The following SSTR3 variants were observed in gnomAD, a reference collection of about 807,000 sequenced individuals.
SSTR3 encodes somatostatin receptor type 3.
For missense variants in SSTR3, 504 were observed against 604.7 expected (o/e 0.83, Z 1.75); for synonymous variants, 281 against 269.2 (o/e 1.04, Z -0.43).
intron 1 of SSTR3, among the ~76,000 whole-genome samples, chr22:37,211,615 C>T (rs1448792152): frequency 6.6e-6 from 1 of 152,192 alleles, no homozygotes; most frequent in Non-Finnish European, 1.5e-5. Context: ...TCTGTGATTC[C>T]GAGATCCTAG....
upstream of SSTR3, among the ~76,000 whole-genome samples, chr22:37,213,587 C>T (rs1344494951): frequency 4.6e-5 from 7 of 152,380 alleles, no homozygotes; most frequent in Non-Finnish European, 5.9e-5. Context: ...TCTCTTAACG[C>T]TGCCCGTCCC....
rs561345205 is a variant in SSTR3, at chr22:37,210,371, C to T, written c.-37+1454G>A. Reference sequence around the variant, plus strand: ...TGGTCCTGGCAGGAACACGGCGTGCCTAGCCAGACCCTCCTTTGTACCAGG... The same window carrying T: ...TGGTCCTGGCAGGAACACGGCGTGCTTAGCCAGACCCTCCTTTGTACCAGG... On this transcript the variant is annotated intron_variant, in intron 1 of 1. Transcript: ENST00000610913. Among the ~76,000 whole-genome samples, 43 of 152,372 alleles carry T rather than the reference C, an allele frequency of 2.8e-4. No homozygotes were observed. The East Asian group carries it at 7.5e-3, about 27-fold the overall frequency.
At chr22:37,209,687 C>T (rs1601656121) in intron 1 of SSTR3, among the ~76,000 whole-genome samples, 1 of 152,194 alleles carries the variant, frequency 6.6e-6, no homozygotes, top group East Asian at 1.9e-4. Flanking sequence ...GGGGAGCAAA[C>T]GTGAGGTCAC....
chr22:37,216,195 C>T (rs1246470748), upstream of SSTR3, among the ~76,000 whole-genome samples: 2 of 140,190 alleles, frequency 1.4e-5, no homozygotes, highest in Non-Finnish European at 3.1e-5. Flanking sequence ...CCATCCCTCC[C>T]ACCCCCCCAT....
At chr22:37,209,566 G>A (rs1192755553) in intron 1 of SSTR3, among the ~76,000 whole-genome samples, 2 of 152,254 alleles carry the variant, frequency 1.3e-5, no homozygotes, top group East Asian at 3.8e-4. Flanking sequence ...AGTGCTGCCA[G>A]CTGCTCATCA....
At chr22:37,216,370 C>T (rs547043608), upstream of SSTR3, among the ~76,000 whole-genome samples, 6 of 152,328 alleles carry the variant, frequency 3.9e-5, no homozygotes, top group East Asian at 1.2e-3. Flanking sequence ...ACTCTCACCC[C>T]TTCTCCCCAT....
At chr22:37,211,164 G>T (rs931026638) in intron 1 of SSTR3, among the ~76,000 whole-genome samples, 1 of 152,218 alleles carries the variant, frequency 6.6e-6, no homozygotes. Flanking sequence ...GGCTGAGAAG[G>T]ATCAAAGGCC....
chr22:37,207,732 T>C lies in SSTR3; in HGVS notation c.72A>G (p.Pro24=). The part of the protein sequence containing the change: ...EPENASSAWP[P]DATLGNVSAG... ...CCGACACGTTGCCCAGGGTGGCATC[T>C]GGGGGCCAGGCCGAGGAGGCATTCT... Residue 24 remains proline (P), a synonymous_variant, in exon 2 of 2, where the codon CCA becomes CCG. Transcript: ENST00000610913. 1 of 1,529,502 alleles carries C rather than the reference T, an allele frequency of 6.5e-7. No individual in the cohort carries two copies. Among genetic ancestry groups the C allele is most frequent in the South Asian group, 1.3e-5 (1 of 77,542 alleles). 94.7% of individuals were successfully genotyped at this position (1,529,502 alleles called of 1,614,324 possible). A position where few individuals can be genotyped will look rare whatever the true frequency, so the allele number is the denominator to read the frequency against.
At position 37,206,898 on chromosome 22, in the gene SSTR3, G is replaced by C; in HGVS notation, c.906C>G (p.Pro302=). The C allele has an allele frequency of 6.2e-7, 1 of 1,613,590 alleles. No homozygotes were observed. The highest frequency in any genetic ancestry group is 8.5e-7 in the Non-Finnish European group (1 of 1,180,026). ...TGGGGTTGGCACAGCTGTTGGCATA[G>C]GGCAGCGCCACCACCAGGAAGTAGA... ...FGLYFLVVAL[P]YANSCANPIL... The change falls in exon 2 of 2, where the codon CCC becomes CCG. Residue 302 remains proline, a synonymous_variant. Transcript: ENST00000610913.
rs907657079 is a variant in SSTR3 at position 37,207,431 on chromosome 22, T to G, written c.373A>C (p.Ile125Leu). The change falls in exon 2 of 2, where the codon ATC becomes CTC. Residue 125 changes from isoleucine (I) to leucine (L), a missense_variant. Ile to Leu is a conservative substitution (Grantham distance 5). Coordinates refer to ENST00000610913, the MANE Select transcript of SSTR3 (RefSeq NM_001051.5). ...CAGAATATGCTGGTGAACTGGTTGA[T>G]GCCATCCACCGCCATGACCAGGCGG... ...MCRLVMAVDGINQFTSIFCLT... is the reference protein window; with the variant it reads ...MCRLVMAVDGLNQFTSIFCLT... The G allele has an allele frequency of 2.5e-6, 4 of 1,613,514 alleles. No individual in the cohort carries two copies. The East Asian group carries it at 8.9e-5, about 36-fold the overall frequency.
At chr22:37,216,922 T>C (rs1926473166), upstream of SSTR3, among the ~76,000 whole-genome samples, 1 of 152,176 alleles carries the variant, frequency 6.6e-6, no homozygotes, top group Admixed American at 6.5e-5. Flanking sequence ...CACCTCAGCC[T>C]CTTGAGTAGC....
chr22:37,216,398 C>T (rs146170724), upstream of SSTR3, among the ~76,000 whole-genome samples: 560 of 152,250 alleles, frequency 3.7e-3, 4 homozygotes, highest in African/African-American at 0.013. Context: ...ATATGAGTTT[C>T]GGTTAAATGC....
chr22:37,206,513 T>C lies in SSTR3; in HGVS notation c.*34A>G. 1 of 1,564,266 alleles carries C rather than the reference T, an allele frequency of 6.4e-7. No individual in the cohort carries two copies. The highest frequency in any genetic ancestry group is 8.7e-7 in the Non-Finnish European group (1 of 1,154,750). On this transcript the variant is annotated 3_prime_UTR_variant, in exon 2 of 2. Coordinates refer to ENST00000610913, the MANE Select transcript of SSTR3 (RefSeq NM_001051.5). Reference sequence around the variant, plus strand: ...CCTAGGCACACCCACGGCTTCTGCCTCTTCCTCGGGCCATCCTGGCTTTCC... The same window carrying C: ...CCTAGGCACACCCACGGCTTCTGCCCCTTCCTCGGGCCATCCTGGCTTTCC...
chr22:37,208,396 G>T (rs1462494060), intron 1 of SSTR3, among the ~76,000 whole-genome samples: 2 of 152,218 alleles, frequency 1.3e-5, no homozygotes, highest in East Asian at 1.9e-4. Flanking sequence ...CAGGCTTGGG[G>T]TGTCCCCTCC....
intron 1 of SSTR3, among the ~76,000 whole-genome samples, chr22:37,211,353 T>C (rs1926179556): frequency 6.6e-6 from 1 of 152,214 alleles, no homozygotes; most frequent in African/African-American, 2.4e-5. Flanking sequence ...GCTGGGGGCT[T>C]GGGCTCTGCT....
upstream of SSTR3, among the ~76,000 whole-genome samples, chr22:37,216,965 T>G (rs1245446181): frequency 6.6e-6 from 1 of 152,084 alleles, no homozygotes; most frequent in Non-Finnish European, 1.5e-5. Context: ...CACACCCAGA[T>G]AGTTTTTGTA....
At chr22:37,213,695 C>T (rs888545052), upstream of SSTR3, among the ~76,000 whole-genome samples, 4 of 152,196 alleles carry the variant, frequency 2.6e-5, no homozygotes, top group South Asian at 2.1e-4. Flanking sequence ...CTCCTGGGAG[C>T]GTGTCCTCAG....
chr22:37,219,209 A>G, the SSTR3 span, among the ~76,000 whole-genome samples: 7 of 152,134 alleles, frequency 4.6e-5, no homozygotes, highest in African/African-American at 1.4e-4. Flanking sequence ...CCTTGAGACG[A>G]GAGTCTCTTC....
rs746621461 is a variant in SSTR3 at position 37,206,688 on chromosome 22, G to C, written c.1116C>G (p.Gly372=). The change falls in exon 2 of 2, where the codon GGC becomes GGG. Residue 372 remains glycine, a synonymous_variant. Coordinates refer to ENST00000610913, the MANE Select transcript of SSTR3 (RefSeq NM_001051.5). ...REGGKGKEMN[G]RVSQITQPGT... The stretch of plus-strand genomic sequence containing the variant: ...CAGGCTGCGTGATCTGGCTGACCCG[G>C]CCGTTCATCTCCTTCCCCTTGCCCC... 6.2e-7 allele frequency: 1 copy of C among 1,608,954 alleles called. No homozygotes were observed. The highest frequency in any genetic ancestry group is 8.5e-7 in the Non-Finnish European group (1 of 1,179,974).
Sources: gnomAD v4.1 joint callset for allele counts (sites outside exome capture counted in the v4.1 genomes callset) on GRCh38, gnomAD v4.1.1 for gene constraint, MANE v1.5 for transcripts, NCBI Gene and HGNC (gene_info 2026-07-23, HGNC 2026-07-21) for gene names.